The following SPART variants were observed in gnomAD, a reference collection of about 807,000 sequenced individuals.
SPART encodes the protein spastic paraplegia 20 (Troyer syndrome).
Under a neutral mutation model 58.7 loss-of-function variants are expected in SPART, and 35 were observed. The observed-to-expected ratio is 0.60, with a 90% CI of 0.46 to 0.79. The LOEUF is 0.79. SPART is among the 30% of genes least tolerant of loss of function. The pLI is 0.00. For missense variants in SPART, 730 were observed against 786.1 expected (o/e 0.93, Z 0.85); for synonymous variants, 284 against 280.7 (o/e 1.01, Z -0.12).
intron 5 of SPART, among the ~76,000 whole-genome samples, chr13:36,314,761 A>G (rs1881506069): frequency 1.3e-5 from 2 of 152,216 alleles, no homozygotes; most frequent in African/African-American, 4.8e-5. Context: ...TTTTGGTGCC[A>G]TTAAGATAGA....
At chr13:36,367,963 AATTT>A (rs1411246835) in intron 1 of SPART, among the ~76,000 whole-genome samples, 1 of 152,178 alleles carries the variant, frequency 6.6e-6, no homozygotes, top group Non-Finnish European at 1.5e-5. Context: ...TAAGTCACAC[AATTT>A]ATTTGTGTGT....
intron 1 of SPART, among the ~76,000 whole-genome samples, chr13:36,341,597 T>TA (rs1338453117): frequency 3.3e-5 from 5 of 152,270 alleles, no homozygotes; most frequent in Non-Finnish European, 7.4e-5. Flanking sequence ...CATGAAAACT[T>TA]ACGATAGAAG....
intron 1 of SPART, among the ~76,000 whole-genome samples, chr13:36,364,722 T>A (rs1377137919): frequency 1.3e-5 from 2 of 152,200 alleles, no homozygotes; most frequent in East Asian, 3.8e-4. Context: ...ATAATCTATC[T>A]GTCTTTGAGA....
At chr13:36,365,231 A>G (rs929484615) in intron 1 of SPART, among the ~76,000 whole-genome samples, 1 of 152,248 alleles carries the variant, frequency 6.6e-6, no homozygotes, top group African/African-American at 2.4e-5. Context: ...TAGGAGCAAC[A>G]GATGGTTAAA....
chr13:36,347,113 T>C (rs1885195949), upstream of SPART, among the ~76,000 whole-genome samples: 1 of 151,648 alleles, frequency 6.6e-6, no homozygotes, highest in Admixed American at 6.6e-5. Flanking sequence ...TAAAATATTG[T>C]AGATGACAGA....
chr13:36,352,257 C>A (rs943437848), intron 1 of SPART, among the ~76,000 whole-genome samples: 4 of 152,084 alleles, frequency 2.6e-5, no homozygotes, highest in African/African-American at 9.7e-5. Flanking sequence ...CTCTTACAGA[C>A]CAAATATAGT....
chr13:36,345,330 C>G (rs142574776), intron 1 of SPART, among the ~76,000 whole-genome samples: 1 of 152,254 alleles, frequency 6.6e-6, no homozygotes, highest in Non-Finnish European at 1.5e-5. Context: ...ATAAAGCCAC[C>G]AAATTAAGTC....
intron 1 of SPART, among the ~76,000 whole-genome samples, chr13:36,357,428 G>A (rs1307378546): frequency 6.6e-6 from 1 of 152,106 alleles, no homozygotes; most frequent in African/African-American, 2.4e-5. Flanking sequence ...TGGCCTCCTC[G>A]GAAAAAGCCC....
At chr13:36,317,832 T>G (rs1881899920) in intron 5 of SPART, among the ~76,000 whole-genome samples, 1 of 152,148 alleles carries the variant, frequency 6.6e-6, no homozygotes, top group African/African-American at 2.4e-5. Context: ...TTGACCCCAA[T>G]ACAAACTCTA....
chr13:36,326,485 C>A, intron 5 of SPART, 90 bp downstream of exon 5: 1 of 1,506,540 alleles, frequency 6.6e-7, no homozygotes, highest in Non-Finnish European at 9.1e-7. Context: ...AAAATATTAT[C>A]TTTCTCAGTA....
chr13:36,340,399 G>A (rs941722153), intron 1 of SPART, among the ~76,000 whole-genome samples: 3 of 151,654 alleles, frequency 2.0e-5, no homozygotes, highest in Non-Finnish European at 4.4e-5. Flanking sequence ...AAGAAAAAAA[G>A]ATTTCACACC....
intron 4 of SPART, among the ~76,000 whole-genome samples, chr13:36,329,100 C>CA (rs1220992866): frequency 6.6e-6 from 1 of 151,310 alleles, no homozygotes; most frequent in Non-Finnish European, 1.5e-5. Flanking sequence ...GATCCTGTCT[C>CA]AAAAAAAATA....
chr13:36,306,471 TAACTC>T (rs1213731467), intron 8 of SPART, among the ~76,000 whole-genome samples: 27 of 152,230 alleles, frequency 1.8e-4, no homozygotes, highest in Non-Finnish European at 3.4e-4. Flanking sequence ...AGTGACACCA[TAACTC>T]AACATAACTC....
chr13:36,312,876 TTGCAA>T (rs544211797), intron 6 of SPART, among the ~76,000 whole-genome samples: 49 of 152,138 alleles, frequency 3.2e-4, no homozygotes, highest in African/African-American at 1.1e-3. Flanking sequence ...TATCTGACTG[TTGCAA>T]TGCAAGATTG....
At chr13:36,313,772 G>T (rs1348571960) in intron 6 of SPART, among the ~76,000 whole-genome samples, 1 of 152,140 alleles carries the variant, frequency 6.6e-6, no homozygotes, top group East Asian at 1.9e-4. Context: ...TTAGGTTTGT[G>T]TGAGTACATG....
Position 36,303,569 on chromosome 13 carries a change from T to G in SPART, c.*796A>C, listed in dbSNP as rs995821621. On this transcript the variant is annotated 3_prime_UTR_variant, in exon 9 of 9. Transcript: ENST00000438666. ...ATATTTTTTTTACAAGTTTTAACCTTTTGGAAAAACAGAAGCAGATATGAT... is the reference window on the plus strand; with the variant it reads ...ATATTTTTTTTACAAGTTTTAACCTGTTGGAAAAACAGAAGCAGATATGAT... The G allele has an allele frequency of 6.6e-6, 1 of 152,146 alleles. No individual in the cohort carries two copies. Among genetic ancestry groups the G allele is most frequent in the African/African-American group, 2.4e-5 (1 of 41,456 alleles). The allele number at this position is 152,146 out of a possible 1,614,324, so 9.4% of individuals were successfully genotyped here. A position where few individuals can be genotyped will look rare whatever the true frequency, so the allele number is the denominator to read the frequency against.
intron 4 of SPART, 57 bp downstream of exon 4, chr13:36,329,305 A>G: frequency 6.3e-7 from 1 of 1,589,928 alleles, no homozygotes; most frequent in Non-Finnish European, 8.6e-7. Flanking sequence ...AAATACATGA[A>G]ACTGGAGAAA....
chr13:36,325,925 TAAC>T (rs1882884887), intron 5 of SPART: 1 of 152,422 alleles, frequency 6.6e-6, no homozygotes, highest in Non-Finnish European at 1.5e-5. Context: ...AGTAGCTTAT[TAAC>T]AACAAAAATT....
intron 1 of SPART, among the ~76,000 whole-genome samples, chr13:36,352,798 A>G (rs1885469492): frequency 6.6e-6 from 1 of 151,640 alleles, no homozygotes; most frequent in Non-Finnish European, 1.5e-5. Context: ...AAAAAAAAAA[A>G]AAAAATTGAA....
Sources: allele counts gnomAD v4.1 joint callset (sites outside exome capture counted in the v4.1 genomes callset), GRCh38; gene constraint gnomAD v4.1.1; transcripts MANE v1.5; gene names NCBI Gene and HGNC (gene_info 2026-07-23, HGNC 2026-07-21).